Variants in PGCKA1 observed in about 807,000 individuals in gnomAD.
PGCKA1 encodes PDCD10 and GCKIII kinases-associated protein 1.
At chr4:37,531,023 T>A in the PGCKA1 span, among the ~76,000 whole-genome samples, 1 of 152,140 alleles carries the variant, frequency 6.6e-6, no homozygotes, top group East Asian at 1.9e-4. Flanking sequence ...GTTTCTCTGT[T>A]AAAGGAAAGG....
the PGCKA1 span, among the ~76,000 whole-genome samples, chr4:37,556,049 C>G: frequency 2.0e-5 from 3 of 152,130 alleles, no homozygotes; most frequent in African/African-American, 7.2e-5. Flanking sequence ...TTCTAACAGT[C>G]TTTCACTACA....
chr4:37,561,794 A>G, the PGCKA1 span, among the ~76,000 whole-genome samples: 2 of 152,240 alleles, frequency 1.3e-5, no homozygotes, highest in Non-Finnish European at 2.9e-5. Flanking sequence ...ATTTTCATCA[A>G]CTGATCAATA....
the PGCKA1 span, among the ~76,000 whole-genome samples, chr4:37,457,560 T>C: frequency 6.6e-6 from 1 of 152,238 alleles, no homozygotes; most frequent in Non-Finnish European, 1.5e-5. Flanking sequence ...TTTTGAAATT[T>C]GATTTTGGTG....
At chr4:37,572,068 T>TC in the PGCKA1 span, among the ~76,000 whole-genome samples, 11 of 109,796 alleles carry the variant, frequency 1.0e-4, no homozygotes, top group Non-Finnish European at 1.8e-4. Flanking sequence ...TTTTTCTTTT[T>TC]TTTTTTTTTT....
the PGCKA1 span, among the ~76,000 whole-genome samples, chr4:37,518,024 C>T: frequency 6.6e-6 from 1 of 152,204 alleles, no homozygotes; most frequent in Admixed American, 6.5e-5. Context: ...GTCTGTCTTT[C>T]TGTGCCTGGC....
At chr4:37,522,498 A>C in the PGCKA1 span, among the ~76,000 whole-genome samples, 14 of 151,732 alleles carry the variant, frequency 9.2e-5, no homozygotes, top group African/African-American at 3.4e-4. Context: ...ATGGCCCCGC[A>C]CAGGATCAGA....
the PGCKA1 span, among the ~76,000 whole-genome samples, chr4:37,527,208 G>A: frequency 2.6e-5 from 4 of 152,068 alleles, no homozygotes; most frequent in East Asian, 1.9e-4. Flanking sequence ...GTGTTACTAC[G>A]AAAGAGTCAA....
the PGCKA1 span, among the ~76,000 whole-genome samples, chr4:37,470,196 A>C: frequency 2.0e-5 from 3 of 152,184 alleles, no homozygotes; most frequent in African/African-American, 7.2e-5. Flanking sequence ...CTTTCTAGCC[A>C]TTTGTTTTTT....
chr4:37,495,148 A>G, the PGCKA1 span, among the ~76,000 whole-genome samples: 2 of 152,218 alleles, frequency 1.3e-5, no homozygotes. Context: ...GTCACTGGTC[A>G]TTAGAGAAAT....
At chr4:37,546,315 G>T in the PGCKA1 span, among the ~76,000 whole-genome samples, 10 of 152,190 alleles carry the variant, frequency 6.6e-5, no homozygotes, top group Non-Finnish European at 7.3e-5. Context: ...AACCAGGACT[G>T]GGCCTGCCTG....
At chr4:37,574,567 C>T in the PGCKA1 span, among the ~76,000 whole-genome samples, 49 of 152,166 alleles carry the variant, frequency 3.2e-4, no homozygotes, top group African/African-American at 1.1e-3. Context: ...AAATGGGATA[C>T]ACATTGCCTC....
At chr4:37,529,595 A>T in the PGCKA1 span, among the ~76,000 whole-genome samples, 4 of 152,246 alleles carry the variant, frequency 2.6e-5, no homozygotes, top group East Asian at 7.7e-4. Flanking sequence ...TCAAGATTTT[A>T]TCTGGTTAAT....
chr4:37,574,234 A>T, the PGCKA1 span, among the ~76,000 whole-genome samples: 3 of 152,126 alleles, frequency 2.0e-5, no homozygotes, highest in Non-Finnish European at 4.4e-5. Context: ...AAGCAAAAAC[A>T]TGTATGTTTT....
the PGCKA1 span, among the ~76,000 whole-genome samples, chr4:37,486,166 C>A: frequency 1.3e-5 from 2 of 152,178 alleles, no homozygotes; most frequent in African/African-American, 4.8e-5. Flanking sequence ...AATCCAACTT[C>A]TGCCACTTTA....
At chr4:37,547,411 T>C in the PGCKA1 span, among the ~76,000 whole-genome samples, 1 of 152,312 alleles carries the variant, frequency 6.6e-6, no homozygotes, top group South Asian at 2.1e-4. Context: ...GTGAGTGTGG[T>C]ATTTTGTCTC....
At chr4:37,477,091 A>C in the PGCKA1 span, among the ~76,000 whole-genome samples, 1 of 152,250 alleles carries the variant, frequency 6.6e-6, no homozygotes, top group Non-Finnish European at 1.5e-5. Flanking sequence ...AAAGACTTGT[A>C]CACAAATGTT....
chr4:37,564,078 G>A, the PGCKA1 span, among the ~76,000 whole-genome samples: 63 of 152,020 alleles, frequency 4.1e-4, no homozygotes, highest in Non-Finnish European at 4.9e-4. Flanking sequence ...GTCGAGACCC[G>A]CCTGGCCAAC....
the PGCKA1 span, among the ~76,000 whole-genome samples, chr4:37,517,023 G>A: frequency 6.6e-6 from 1 of 152,070 alleles, no homozygotes; most frequent in Non-Finnish European, 1.5e-5. Context: ...TTGGGAGGCA[G>A]GTGGATCACC....
chr4:37,590,765 G>T, the PGCKA1 span: 2 of 1,614,010 alleles, frequency 1.2e-6, no homozygotes, highest in African/African-American at 2.7e-5. Context: ...TCTGTGAGGA[G>T]AAGCTGGGAT....
Sources: gnomAD v4.1 joint callset for allele counts (sites outside exome capture counted in the v4.1 genomes callset) on GRCh38, gnomAD v4.1.1 for gene constraint, MANE v1.5 for transcripts, NCBI Gene and HGNC (gene_info 2026-07-23, HGNC 2026-07-21) for gene names.